The following C12orf56 variants were observed in gnomAD, a reference collection of about 807,000 sequenced individuals.
C12orf56 encodes the protein uncharacterized protein C12orf56.
A neutral mutation model predicts 69.9 loss-of-function variants in C12orf56; 71 were observed. That is an observed-to-expected ratio of 1.02 (90% CI 0.84 to 1.24). The LOEUF (loss-of-function observed/expected upper bound fraction) is 1.24, where lower values mean the gene tolerates loss of function less well. Among genes scored for constraint, C12orf56 ranks in the 50% most tolerant of loss-of-function variants. The probability of loss-of-function intolerance (pLI) is 0.00; values close to 1 mark genes in which losing one functional copy is unlikely to be tolerated. For synonymous variants in C12orf56, 276 were observed against 274.1 expected (o/e 1.01, Z -0.07); for missense variants, 732 against 738.5 (o/e 0.99, Z 0.10).
At chr12:64,271,328 G>A (rs1016958003) in intron 11 of C12orf56, among the ~76,000 whole-genome samples, 14 of 151,854 alleles carry the variant, frequency 9.2e-5, no homozygotes, top group Admixed American at 5.9e-4. Flanking sequence ...TGCCAGGCAT[G>A]GTGTCACATG....
intron 10 of C12orf56, 72 bp from the exon 11 acceptor site, chr12:64,275,047 T>G: frequency 7.5e-7 from 1 of 1,339,958 alleles, no homozygotes; most frequent in Non-Finnish European, 1.1e-6. Flanking sequence ...TACTCATTCT[T>G]AAATACATTT....
chr12:64,320,181 G>A (rs1018066001), intron 3 of C12orf56, among the ~76,000 whole-genome samples: 5 of 152,298 alleles, frequency 3.3e-5, no homozygotes, highest in East Asian at 1.9e-4. Context: ...CGTGACCCAC[G>A]GCTTCTAATA....
chr12:64,334,160 G>A (rs1247890362), intron 2 of C12orf56, among the ~76,000 whole-genome samples: 5 of 152,160 alleles, frequency 3.3e-5, no homozygotes, highest in Non-Finnish European at 7.3e-5. Flanking sequence ...TAATACATCT[G>A]CTTTCTCTAT....
chr12:64,378,412 G>A (rs2039668980), intron 1 of C12orf56, among the ~76,000 whole-genome samples: 1 of 152,010 alleles, frequency 6.6e-6, no homozygotes, highest in South Asian at 2.1e-4. Context: ...ATACTAAGAT[G>A]TGTGACTAAG....
chr12:64,314,937 CTTTTTTTTT>C lies in C12orf56; in HGVS notation c.895-2194_895-2186del, dbSNP rs534106623. ...GGAGTGAGCCACCGCATCCGGCCAG[CTTTTTTTTT>C]TTTTTTTTTTTTTTTTTTTTTTGAG... On this transcript the variant is annotated intron_variant, in intron 4 of 12. Coordinates refer to ENST00000543942, the MANE Select transcript of C12orf56 (RefSeq NM_001170633.2). 3.4e-4 allele frequency among the ~76,000 whole-genome samples: 15 copies of C among 44,642 alleles called. 1 individual carries two copies. In the East Asian group the frequency reaches 8.4e-3, roughly 25 times the overall value. 29.3% of individuals were successfully genotyped at this position (44,642 alleles called of 152,430 possible).
intron 11 of C12orf56, among the ~76,000 whole-genome samples, chr12:64,271,983 C>G (rs577482960): frequency 6.8e-4 from 103 of 152,252 alleles, no homozygotes; most frequent in African/African-American, 2.2e-3. Flanking sequence ...ACCCTTCATC[C>G]TTACATGCTT....
intron 2 of C12orf56, among the ~76,000 whole-genome samples, chr12:64,352,088 TTTTTGTTTTTGTTTTTTTTTTTTTTTTG>T (rs1565770102): frequency 2.2e-4 from 24 of 108,448 alleles, no homozygotes; most frequent in African/African-American, 7.0e-4. Context: ...GGTTTTTTTG[TTTTTGTTTTTGTTTTTTTTTTTTTTTTG>T]TTTTTTTTTT....
chr12:64,282,143 T>C (rs2038137369), intron 8 of C12orf56, among the ~76,000 whole-genome samples: 1 of 152,034 alleles, frequency 6.6e-6, no homozygotes. Flanking sequence ...ATCACTTAAG[T>C]CCAGGAGTTT....
At chr12:64,310,105 C>T (rs918425336) in intron 5 of C12orf56, among the ~76,000 whole-genome samples, 1 of 151,704 alleles carries the variant, frequency 6.6e-6, no homozygotes, top group African/African-American at 2.4e-5. Context: ...ACAGCCTCCA[C>T]CTCCCAGGCT....
intron 2 of C12orf56, among the ~76,000 whole-genome samples, chr12:64,346,085 T>G (rs538745807): frequency 1.3e-5 from 2 of 152,134 alleles, no homozygotes; most frequent in Non-Finnish European, 2.9e-5. Context: ...TTTGTATTAG[T>G]CAGGGTTCTC....
At chr12:64,370,042 T>C (rs1182483506) in intron 1 of C12orf56, among the ~76,000 whole-genome samples, 4 of 149,808 alleles carry the variant, frequency 2.7e-5, no homozygotes, top group African/African-American at 7.4e-5. Context: ...CAAAATAAGA[T>C]GCTGGCCAGG....
At chr12:64,386,457 C>A (rs927239466) in intron 1 of C12orf56, among the ~76,000 whole-genome samples, 3 of 149,886 alleles carry the variant, frequency 2.0e-5, no homozygotes, top group Non-Finnish European at 4.4e-5. Context: ...AGTGCAATGG[C>A]GCAATCTTGG....
chr12:64,354,684 C>T (rs2039281327), intron 1 of C12orf56, among the ~76,000 whole-genome samples: 1 of 150,854 alleles, frequency 6.6e-6, no homozygotes, highest in Non-Finnish European at 1.5e-5. Context: ...GTCTCGAACT[C>T]CTGACCTCAG....
chr12:64,317,166 T>A (rs1481198792), intron 4 of C12orf56, among the ~76,000 whole-genome samples: 1 of 152,156 alleles, frequency 6.6e-6, no homozygotes, highest in Non-Finnish European at 1.5e-5. Flanking sequence ...TTTTAAATGT[T>A]TGAAGTCTTC....
At chr12:64,362,604 A>C (rs1484130412) in intron 1 of C12orf56, among the ~76,000 whole-genome samples, 1 of 152,132 alleles carries the variant, frequency 6.6e-6, no homozygotes, top group East Asian at 1.9e-4. Context: ...AGGCAGGAGA[A>C]TCAGTTCAAC....
intron 1 of C12orf56, among the ~76,000 whole-genome samples, chr12:64,356,870 A>G (rs2135956067): frequency 6.6e-6 from 1 of 152,272 alleles, no homozygotes; most frequent in Non-Finnish European, 1.5e-5. Flanking sequence ...CTTTTCAAGC[A>G]TGTTGCTTTC....
intron 1 of C12orf56, among the ~76,000 whole-genome samples, chr12:64,356,635 G>A (rs1050491062): frequency 3.3e-5 from 5 of 152,186 alleles, no homozygotes; most frequent in African/African-American, 4.8e-5. Flanking sequence ...AAGTCAGGAC[G>A]GAGCAGGTGA....
Position 64,377,193 on chromosome 12 carries a change from CTTTT to C in C12orf56, c.252+13117_252+13120del, listed in dbSNP as rs751240899. Among the ~76,000 whole-genome samples, 992 of 128,206 alleles carry C rather than the reference CTTTT, an allele frequency of 7.7e-3. 15 individuals are homozygous for C. The highest frequency in any genetic ancestry group is 0.026 in the African/African-American group (907 of 34,486). The allele number at this position is 128,206 out of a possible 152,430, so 84.1% of individuals were successfully genotyped here. A position where few individuals can be genotyped will look rare whatever the true frequency, so the allele number is the denominator to read the frequency against. ...AGTATCTGTTCATGTCCTTTGCCCACTTTTTTTTTTTTTTTTTTGAGGAGTCTCG... is the reference window on the plus strand; with the variant it reads ...AGTATCTGTTCATGTCCTTTGCCCACTTTTTTTTTTTTTTGAGGAGTCTCG... On this transcript the variant is annotated intron_variant, in intron 1 of 12. Coordinates refer to ENST00000543942, the MANE Select transcript of C12orf56 (RefSeq NM_001170633.2).
At chr12:64,359,013 C>T (rs149430017) in intron 1 of C12orf56, among the ~76,000 whole-genome samples, 35 of 152,250 alleles carry the variant, frequency 2.3e-4, no homozygotes, top group Admixed American at 5.2e-4. Context: ...TTATTTTAAG[C>T]TGAAGGAACT....
Sources: allele counts gnomAD v4.1 joint callset (sites outside exome capture counted in the v4.1 genomes callset), GRCh38; gene constraint gnomAD v4.1.1; transcripts MANE v1.5; gene names NCBI Gene and HGNC (gene_info 2026-07-23, HGNC 2026-07-21).